The following AGBL1 variants were observed in gnomAD, a reference collection of about 807,000 sequenced individuals.
The protein encoded by AGBL1 is cytosolic carboxypeptidase 4.
A neutral mutation model predicts 118.9 loss-of-function variants in AGBL1; 130 were observed. The ratio of observed to expected loss-of-function variants is 1.09; its 90% CI spans 0.95 to 1.26. AGBL1 has a LOEUF of 1.26. Among genes scored for constraint, AGBL1 ranks in the 50% most tolerant of loss-of-function variants. AGBL1 has a pLI of 0.00. For synonymous variants in AGBL1, 555 were observed against 478.9 expected, an observed-to-expected ratio of 1.16 and a Z score of -2.08; for missense variants, 1,584 against 1,298.1, an observed-to-expected ratio of 1.22 and a Z score of -3.38.
chr15:86,172,923 CATATTGTTTTCTAT>C, intron 5 of AGBL1, among the ~76,000 whole-genome samples: 1 of 152,058 alleles, frequency 6.6e-6, no homozygotes, highest in East Asian at 1.9e-4. Context: ...TCAAAACCTG[CATATTGTTTTCTAT>C]AATGGCTGTA....
At chr15:86,308,214 G>C (rs550241496) in intron 17 of AGBL1, among the ~76,000 whole-genome samples, 3 of 152,230 alleles carry the variant, frequency 2.0e-5, no homozygotes, top group South Asian at 2.1e-4. Flanking sequence ...ATTTAGGTCA[G>C]TTTCTCCCCT....
At chr15:86,661,180 A>T (rs189827199) in intron 21 of AGBL1, among the ~76,000 whole-genome samples, 128 of 152,258 alleles carry the variant, frequency 8.4e-4, no homozygotes, top group Middle Eastern at 3.4e-3. Flanking sequence ...ATTTTAGTGT[A>T]TGTTTTAGCT....
At chr15:86,226,908 G>A (rs896681551) in intron 6 of AGBL1, among the ~76,000 whole-genome samples, 3 of 152,184 alleles carry the variant, frequency 2.0e-5, no homozygotes, top group Admixed American at 6.5e-5. Context: ...GTCTCTTCCA[G>A]CAGACTGCAA....
chr15:86,994,818 A>G (rs371194449), intron 24 of AGBL1, among the ~76,000 whole-genome samples: 24 of 152,238 alleles, frequency 1.6e-4, no homozygotes, highest in African/African-American at 5.5e-4. Flanking sequence ...AACATAAAGT[A>G]TATGTAAGAT....
chr15:86,458,694 A>C (rs1465834383), intron 18 of AGBL1, among the ~76,000 whole-genome samples: 2 of 152,210 alleles, frequency 1.3e-5, no homozygotes, highest in Admixed American at 1.3e-4. Flanking sequence ...AGATGAGAAC[A>C]TTAAGGCAGA....
intron 21 of AGBL1, among the ~76,000 whole-genome samples, chr15:86,609,751 G>A (rs2142388164): frequency 6.6e-6 from 1 of 152,168 alleles, no homozygotes; most frequent in Admixed American, 6.5e-5. Flanking sequence ...AAAGTTAGGG[G>A]GGAAAAAGAT....
At chr15:86,674,134 G>A in intron 21 of AGBL1, 139 bp from the exon 22 acceptor site, 1 of 849,716 alleles carries the variant, frequency 1.2e-6, no homozygotes, top group Non-Finnish European at 1.8e-6. Flanking sequence ...AGAATGTAAT[G>A]GACAGTGACT....
intron 5 of AGBL1, among the ~76,000 whole-genome samples, chr15:86,194,015 C>T (rs998228224): frequency 7.2e-5 from 11 of 152,198 alleles, no homozygotes; most frequent in Non-Finnish European, 1.2e-4. Context: ...TAGAGTCATA[C>T]ATTCTCCTGT....
At chr15:86,705,724 A>G (rs1219935184) in intron 22 of AGBL1, among the ~76,000 whole-genome samples, 1 of 152,162 alleles carries the variant, frequency 6.6e-6, no homozygotes, top group Non-Finnish European at 1.5e-5. Flanking sequence ...AGGGGCATTG[A>G]TGTGCATGCA....
At chr15:86,173,619 A>G (rs1287257162) in intron 5 of AGBL1, among the ~76,000 whole-genome samples, 1 of 152,030 alleles carries the variant, frequency 6.6e-6, no homozygotes, top group Non-Finnish European at 1.5e-5. Flanking sequence ...TGATTTTTGT[A>G]TGTGCCGAGA....
chr15:86,694,819 G>T (rs1246319441), intron 22 of AGBL1, among the ~76,000 whole-genome samples: 1 of 151,960 alleles, frequency 6.6e-6, no homozygotes, highest in Non-Finnish European at 1.5e-5. Flanking sequence ...GCTGGATTTT[G>T]TCAAATACTT....
intron 13 of AGBL1, among the ~76,000 whole-genome samples, chr15:86,268,186 G>T (rs1238490726): frequency 6.6e-6 from 1 of 151,896 alleles, no homozygotes; most frequent in Non-Finnish European, 1.5e-5. Flanking sequence ...CATTTTTGAA[G>T]TTCTTCCTCT....
intron 18 of AGBL1, among the ~76,000 whole-genome samples, chr15:86,495,286 C>T (rs1303218955): frequency 6.6e-6 from 1 of 151,264 alleles, no homozygotes; most frequent in Non-Finnish European, 1.5e-5. Context: ...CACCCCATTC[C>T]AAGAAAATTT....
Position 86,385,870 on chromosome 15 carries a change from C to G in AGBL1, c.2375-11496C>G, listed in dbSNP as rs1337088391. Among the ~76,000 whole-genome samples, 7 of 151,928 alleles carry G rather than the reference C, an allele frequency of 4.6e-5. 1 individual carries two copies. The highest frequency in any genetic ancestry group is 1.0e-4 in the Non-Finnish European group (7 of 67,964). ...TTATTTTCATATGTTAGGATCCTAACTGGTTTTCCTATCTGACTTTTAAAA... is the reference window on the plus strand; with the variant it reads ...TTATTTTCATATGTTAGGATCCTAAGTGGTTTTCCTATCTGACTTTTAAAA... On this transcript the variant is annotated intron_variant, in intron 17 of 22. Coordinates refer to ENST00000614907, the MANE Select transcript of AGBL1 (RefSeq NM_001386094.1).
rs573076125 is a variant in AGBL1, at chr15:86,258,551, T to G, written c.969+520T>G. Among the ~76,000 whole-genome samples the G allele has an allele frequency of 1.1e-4, 16 of 152,318 alleles. No homozygotes were observed. In the South Asian group the frequency reaches 3.3e-3, roughly 32 times the overall value. On this transcript the variant is annotated intron_variant, in intron 9 of 22. Coordinates refer to ENST00000614907, the MANE Select transcript of AGBL1 (RefSeq NM_001386094.1). Reference sequence around the variant, plus strand: ...GTCCCCCTCCCAAAAAGGCCTATTCTATAGAAGAGAGGTTGGTGAACTTCC... The same window carrying G: ...GTCCCCCTCCCAAAAAGGCCTATTCGATAGAAGAGAGGTTGGTGAACTTCC...
intron 18 of AGBL1, among the ~76,000 whole-genome samples, chr15:86,505,347 G>T: frequency 6.6e-6 from 1 of 151,614 alleles, no homozygotes; most frequent in Non-Finnish European, 1.5e-5. Context: ...CTATTTGTTC[G>T]TTCTGTCTCT....
Position 86,909,605 on chromosome 15 carries a change from A to G in AGBL1, c.*2311A>G, listed in dbSNP as rs969666814. On this transcript the variant is annotated 3_prime_UTR_variant, in exon 23 of 23. Transcript: ENST00000614907. ...TATGTAACATATGCAAGAAATTTGA[A>G]GACTATTAGCAAAGATAATGAAAGT... The G allele has an allele frequency of 3.3e-5, 5 of 152,246 alleles. No homozygotes were observed. Among genetic ancestry groups the G allele is most frequent in the African/African-American group, 1.2e-4 (5 of 41,462 alleles). The allele number at this position is 152,246 out of a possible 1,614,324, so 9.4% of individuals were successfully genotyped here.
At chr15:86,994,528 G>T (rs1015158899) in intron 24 of AGBL1, among the ~76,000 whole-genome samples, 5 of 152,150 alleles carry the variant, frequency 3.3e-5, no homozygotes, top group Non-Finnish European at 7.4e-5. Context: ...TTCTGAAGTG[G>T]TTGGTCGTCT....
chr15:86,966,645 G>T (rs976412517), intron 23 of AGBL1, among the ~76,000 whole-genome samples: 2 of 152,112 alleles, frequency 1.3e-5, no homozygotes, highest in African/African-American at 2.4e-5. Flanking sequence ...TCCCTACCAA[G>T]GTCATGAACT....
Sources: gnomAD v4.1 joint callset for allele counts (sites outside exome capture counted in the v4.1 genomes callset) on GRCh38, gnomAD v4.1.1 for gene constraint, MANE v1.5 for transcripts, NCBI Gene and HGNC (gene_info 2026-07-23, HGNC 2026-07-21) for gene names.